ALPK1: variants seen among roughly 807,000 people sequenced by gnomAD.
The protein encoded by ALPK1 is alpha-protein kinase 1.
Under a neutral mutation model 120.6 loss-of-function variants are expected in ALPK1, and 110 were observed. The observed-to-expected ratio is 0.91, with a 90% CI of 0.78 to 1.07. ALPK1 has a LOEUF of 1.07. Among genes scored for constraint, ALPK1 ranks in the 50% least tolerant of loss-of-function variants. ALPK1 has a pLI of 0.00. For missense variants in ALPK1, 1,498 were observed against 1,483.9 expected, an observed-to-expected ratio of 1.01 and a Z score of -0.16; for synonymous variants, 582 against 560.3, an observed-to-expected ratio of 1.04 and a Z score of -0.55.
In ALPK1 at chr4:112,411,854, C is replaced by G. The variant is rs778659546; in HGVS notation, c.304C>G (p.Arg102Gly). Residue 102 changes from arginine to glycine, a missense_variant, in exon 5 of 16, where the codon CGG becomes GGG. By Grantham distance (125) the Arg-to-Gly change is moderately radical. Transcript: ENST00000650871. ...LASLRASILA[R>G]DCAAAAAIVF... is the part of the protein sequence containing the mutation. ...GTCCCTGAGGGCCTCCATCCTCGCT[C>G]GGGACTGTGCGGCTGCGGCGGCTAT... 2.5e-6 allele frequency: 4 copies of G among 1,613,272 alleles called. No individual in the cohort carries two copies. The Admixed American group carries it at 5.0e-5, about 20-fold the overall frequency.
intron 2 of ALPK1, among the ~76,000 whole-genome samples, chr4:112,347,670 C>G (rs905750383): frequency 3.3e-5 from 5 of 152,120 alleles, no homozygotes; most frequent in Non-Finnish European, 7.3e-5. Context: ...TGGTAACCTT[C>G]CAAATACCAA....
intron 11 of ALPK1, among the ~76,000 whole-genome samples, chr4:112,434,618 G>A (rs776917765): frequency 3.9e-4 from 59 of 152,082 alleles, no homozygotes; most frequent in Non-Finnish European, 4.0e-4. Flanking sequence ...AGTTGAGTTC[G>A]CATGTTTTTA....
At chr4:112,426,227 A>T (rs1048047722) in intron 7 of ALPK1, 1 of 280,962 alleles carries the variant, frequency 3.6e-6, no homozygotes, top group Non-Finnish European at 6.5e-6. Flanking sequence ...ATAACTACAT[A>T]TATTACACAT....
At chr4:112,390,627 A>G (rs1164002767) in intron 4 of ALPK1, among the ~76,000 whole-genome samples, 1 of 152,130 alleles carries the variant, frequency 6.6e-6, no homozygotes, top group Non-Finnish European at 1.5e-5. Context: ...GGATGGATGA[A>G]TGAAACCGTA....
intron 2 of ALPK1, chr4:112,357,158 C>A: frequency 6.7e-7 from 1 of 1,492,612 alleles, no homozygotes; most frequent in Non-Finnish European, 9.2e-7. Context: ...TGTCACCAAG[C>A]CAGGGAGCTA....
chr4:112,342,261 G>A (rs1037404863), intron 2 of ALPK1, among the ~76,000 whole-genome samples: 14 of 152,136 alleles, frequency 9.2e-5, no homozygotes, highest in Admixed American at 9.2e-4. Flanking sequence ...ACAAAGGGGT[G>A]TACAGTTTAC....
chr4:112,432,445 G>A lies in ALPK1; in HGVS notation c.2898G>A (p.Arg966=). Residue 966 remains arginine, a synonymous_variant, in exon 11 of 16, where the codon AGG becomes AGA. Transcript: ENST00000650871. ...SSWVSLPGKM[R]KEILEARTLQ... The stretch of plus-strand genomic sequence containing the variant: ...GGGTTTCATTGCCGGGAAAGATGAG[G>A]AAAGAGATCCTTGAGGCTCGCACCT... 6.2e-7 allele frequency: 1 copy of A among 1,614,186 alleles called. No homozygotes were observed. The highest frequency in any genetic ancestry group is 8.5e-7 in the Non-Finnish European group (1 of 1,180,032).
intron 4 of ALPK1, among the ~76,000 whole-genome samples, chr4:112,405,763 G>A (rs1733141392): frequency 6.6e-6 from 1 of 152,116 alleles, no homozygotes; most frequent in South Asian, 2.1e-4. Flanking sequence ...TTTTAGTAGA[G>A]ACGGGGTTTC....
intron 12 of ALPK1, among the ~76,000 whole-genome samples, chr4:112,436,338 G>A (rs1463611998): frequency 6.6e-6 from 1 of 152,158 alleles, no homozygotes; most frequent in Non-Finnish European, 1.5e-5. Context: ...CTGAGTCACA[G>A]AGATGTTAAG....
chr4:112,407,543 T>C (rs1238162240), intron 4 of ALPK1, among the ~76,000 whole-genome samples: 1 of 152,210 alleles, frequency 6.6e-6, no homozygotes, highest in Non-Finnish European at 1.5e-5. Context: ...TTTGCCTAGC[T>C]CTGACTCTTT....
At position 112,441,071 on chromosome 4, in the gene ALPK1, T is replaced by A; in HGVS notation, c.3693T>A (p.Arg1231=). ...TGGAATGTAATGAAATCTGCCATCG[T>A]CTTTCTTTGACTAGACCTTCAATGG... The part of the protein sequence containing the change: ...QHVECNEICH[R]LSLTRPSMEK... The change falls in exon 15 of 16, where the codon CGT becomes CGA. Residue 1231 remains arginine, a synonymous_variant. Coordinates refer to ENST00000650871, the MANE Select transcript of ALPK1 (RefSeq NM_025144.4). The A allele has an allele frequency of 6.2e-7, 1 of 1,613,924 alleles. No homozygotes were observed. Among genetic ancestry groups the A allele is most frequent in the Non-Finnish European group, 8.5e-7 (1 of 1,179,848 alleles).
chr4:112,423,985 A>G lies in ALPK1; in HGVS notation c.517A>G (p.Ser173Gly). ...AGAGTATATTCTGAGCAGTCTAATA[A>G]GCAACAATGGAGCAACGGGTGAGTA... Reference protein sequence around the residue: ...KAEYILSSLISNNGATGTWLY... With the variant: ...KAEYILSSLIGNNGATGTWLY... Residue 173 changes from serine to glycine, a missense_variant, in exon 6 of 16, where the codon AGC becomes GGC. Coordinates refer to ENST00000650871, the MANE Select transcript of ALPK1 (RefSeq NM_025144.4). The G allele has an allele frequency of 6.2e-7, 1 of 1,613,976 alleles. No individual in the cohort carries two copies. The highest frequency in any genetic ancestry group is 1.1e-5 in the South Asian group (1 of 91,080).
In ALPK1 at chr4:112,324,229, A is replaced by C. The variant is rs188604000; in HGVS notation, c.-101+8377A>C. Among the ~76,000 whole-genome samples, 826 of 151,806 alleles carry C rather than the reference A, an allele frequency of 5.4e-3. 9 individuals carry two copies. The highest frequency in any genetic ancestry group is 0.019 in the African/African-American group (786 of 41,382). On this transcript the variant is annotated intron_variant, in intron 2 of 15. Coordinates refer to ENST00000650871, the MANE Select transcript of ALPK1 (RefSeq NM_025144.4). The stretch of plus-strand genomic sequence containing the variant: ...GTAGTCCCAGCTACTGGGGAGGCTG[A>C]GGCAGGAGAATGGCTTGAACCTGGG...
intron 1 of ALPK1, among the ~76,000 whole-genome samples, chr4:112,313,629 A>G (rs181805185): frequency 1.8e-4 from 28 of 152,332 alleles, no homozygotes; most frequent in Non-Finnish European, 3.2e-4. Flanking sequence ...AGGCTGAGGC[A>G]CAAGAATCGC....
intron 4 of ALPK1, among the ~76,000 whole-genome samples, chr4:112,408,437 A>G (rs750146016): frequency 1.1e-4 from 17 of 151,216 alleles, no homozygotes; most frequent in Middle Eastern, 3.2e-3. Flanking sequence ...TTGCTTTTCC[A>G]TCTTTGATTT....
At chr4:112,413,369 G>A (rs542400620) in intron 5 of ALPK1, among the ~76,000 whole-genome samples, 11 of 152,316 alleles carry the variant, frequency 7.2e-5, no homozygotes, top group Admixed American at 4.6e-4. Context: ...AAACAGGGAC[G>A]TTGACAGCTT....
At chr4:112,356,385 T>A in intron 2 of ALPK1, 1 of 839,308 alleles carries the variant, frequency 1.2e-6, no homozygotes, top group Non-Finnish European at 2.1e-6. Flanking sequence ...GATCAGGCCT[T>A]TGTCATCCTG....
intron 4 of ALPK1, among the ~76,000 whole-genome samples, chr4:112,389,352 C>T (rs1732302276): frequency 6.6e-6 from 1 of 152,188 alleles, no homozygotes; most frequent in African/African-American, 2.4e-5. Context: ...CCTGTGCTGG[C>T]TTTTAAGATG....
At chr4:112,355,804 T>A (rs1730577794) in intron 2 of ALPK1, among the ~76,000 whole-genome samples, 1 of 152,154 alleles carries the variant, frequency 6.6e-6, no homozygotes, top group African/African-American at 2.4e-5. Flanking sequence ...AGACTGGAAG[T>A]GGGGGCGGAA....
Sources: gnomAD v4.1 joint callset for allele counts (sites outside exome capture counted in the v4.1 genomes callset) on GRCh38, gnomAD v4.1.1 for gene constraint, MANE v1.5 for transcripts, NCBI Gene and HGNC (gene_info 2026-07-23, HGNC 2026-07-21) for gene names.